The following NF1 variants were observed in gnomAD, a reference collection of about 807,000 sequenced individuals.
NF1 encodes the protein neurofibromin.
In NF1, 122 loss-of-function variants were observed where a neutral mutation model predicts 325.7. The observed-to-expected ratio is 0.37, with a 90% CI of 0.32 to 0.44. The LOEUF is 0.44. NF1 is among the 20% of genes least tolerant of loss of function. The probability of loss-of-function intolerance (pLI) is 1.00; values close to 1 mark genes in which losing one functional copy is unlikely to be tolerated. For missense variants in NF1, 2,140 were observed against 3,415.4 expected (o/e 0.63, Z 9.31); for synonymous variants, 1,091 against 1,186.0 (o/e 0.92, Z 1.65).
chr17:31,327,854 A>G lies in NF1; in HGVS notation c.5609+15A>G, dbSNP rs2151542032. 6.2e-7 allele frequency: 1 copy of G among 1,609,748 alleles called. No homozygotes were observed. Among genetic ancestry groups the G allele is most frequent in the Non-Finnish European group, 8.5e-7 (1 of 1,176,676 alleles). On this transcript the variant is annotated intron_variant, in intron 38 of 57. Coordinates refer to ENST00000358273, the MANE Select transcript of NF1 (RefSeq NM_001042492.3). ...CCGAGTTTACGGTAGGTTTTTTAAA[A>G]TTCTCTTCAGTTTGATTTGGGGTTT...
chr17:31,340,768 A>G (rs572229050), intron 47 of NF1, 123 bp downstream of exon 47: 7 of 1,016,198 alleles, frequency 6.9e-6, no homozygotes, highest in Non-Finnish European at 1.0e-5. Flanking sequence ...TGTATAATGT[A>G]ACTTATTGTG....
chr17:31,212,389 T>C (rs1363524304), intron 12 of NF1, among the ~76,000 whole-genome samples: 2 of 152,210 alleles, frequency 1.3e-5, no homozygotes. Flanking sequence ...CTTTTTATCT[T>C]TAAGTAGGAG....
chr17:31,170,974 AAC>A (rs1299968661), intron 5 of NF1, among the ~76,000 whole-genome samples: 1 of 152,198 alleles, frequency 6.6e-6, no homozygotes, highest in East Asian at 1.9e-4. Flanking sequence ...TCTGACCTAA[AAC>A]AGATTGAATT....
At chr17:31,223,706 T>C in intron 16 of NF1, 139 bp downstream of exon 16, 1 of 794,352 alleles carries the variant, frequency 1.3e-6, no homozygotes, top group South Asian at 1.6e-5. Flanking sequence ...GAAATATGTA[T>C]GCAGAGGACA....
chr17:31,349,345 C>T (rs997989417), intron 49 of NF1, 94 bp downstream of exon 49: 33 of 1,280,660 alleles, frequency 2.6e-5, no homozygotes, highest in Admixed American at 8.0e-5. Flanking sequence ...TTGGCGGTTG[C>T]GTGGCAGAGC....
intron 35 of NF1, among the ~76,000 whole-genome samples, chr17:31,262,324 G>C (rs2067700223): frequency 6.6e-6 from 1 of 152,130 alleles, no homozygotes; most frequent in Non-Finnish European, 1.5e-5. Flanking sequence ...AGAAAATATA[G>C]TATACTTCAG....
intron 36 of NF1, among the ~76,000 whole-genome samples, chr17:31,281,102 C>T (rs1393683184): frequency 5.3e-5 from 8 of 152,206 alleles, no homozygotes; most frequent in Admixed American, 5.2e-4. Context: ...CAAGTCTCTT[C>T]ATAATCTGTT....
intron 10 of NF1, 45 bp downstream of exon 10, chr17:31,201,204 A>T (rs2143881599): frequency 1.9e-6 from 3 of 1,611,100 alleles, no homozygotes; most frequent in Non-Finnish European, 2.5e-6. Flanking sequence ...TGATGCTGTT[A>T]TCCTTTATAA....
chr17:31,122,445 T>C (rs2143396420), intron 1 of NF1, among the ~76,000 whole-genome samples: 1 of 152,346 alleles, frequency 6.6e-6, no homozygotes, highest in South Asian at 2.1e-4. Flanking sequence ...TGTTTTGAAG[T>C]TATTTCCTGC....
chr17:31,095,229 C>A lies in NF1; in HGVS notation c.-81C>A, dbSNP rs1208380897. On this transcript the variant is annotated 5_prime_UTR_variant, in exon 1 of 58. Coordinates refer to ENST00000358273, the MANE Select transcript of NF1 (RefSeq NM_001042492.3). The stretch of plus-strand genomic sequence containing the variant: ...CCTCTCCTTGCCTCTTCCCTCACCT[C>A]AGCCTCCGCTCCCCGCCCTCTTCCC... The A allele has an allele frequency of 2.2e-6, 3 of 1,364,728 alleles. No homozygotes were observed. The East Asian group carries it at 7.5e-5, about 34-fold the overall frequency. The allele number at this position is 1,364,728 out of a possible 1,614,324, so 84.5% of individuals were successfully genotyped here.
At chr17:31,136,968 G>A (rs961993627) in intron 1 of NF1, 4 of 152,134 alleles carry the variant, frequency 2.6e-5, no homozygotes, top group Non-Finnish European at 4.4e-5. Context: ...AGTTTTGCTG[G>A]ATATATAGAA....
In NF1 at chr17:31,348,042, T is replaced by C. The variant is rs1380838977; in HGVS notation, c.7190-1078T>C. On this transcript the variant is annotated intron_variant, in intron 48 of 57. Transcript: ENST00000358273. ...AGCACTTTAGAATTTAGAGTTGCAA[T>C]TGAATGCCAGCTGTGGAGATGGGGT... is the stretch of plus-strand genomic sequence containing the variant. Among the ~76,000 whole-genome samples the C allele has an allele frequency of 6.2e-5, 7 of 112,682 alleles. No individual in the cohort carries two copies. The East Asian group carries it at 1.2e-3, about 20-fold the overall frequency. The allele number at this position is 112,682 out of a possible 152,430, so 73.9% of individuals were successfully genotyped here.
At chr17:31,168,969 A>C (rs1383529987) in intron 4 of NF1, among the ~76,000 whole-genome samples, 1 of 152,182 alleles carries the variant, frequency 6.6e-6, no homozygotes, top group African/African-American at 2.4e-5. Context: ...CAGTCCATGT[A>C]GGGAATGCAG....
intron 4 of NF1, among the ~76,000 whole-genome samples, chr17:31,165,342 T>C (rs1171125444): frequency 2.0e-5 from 3 of 152,176 alleles, no homozygotes; most frequent in Non-Finnish European, 4.4e-5. Context: ...TGAAATAACA[T>C]TGTTTCAGAC....
At chr17:31,242,766 C>T (rs1056874576) in intron 29 of NF1, among the ~76,000 whole-genome samples, 10 of 152,194 alleles carry the variant, frequency 6.6e-5, no homozygotes, top group African/African-American at 2.2e-4. Context: ...GGTCACATAT[C>T]GCTGTCTCTC....
In NF1 at chr17:31,181,780, T is replaced by C. The variant is rs1555608765; in HGVS notation, c.725T>C (p.Met242Thr). Residue 242 changes from methionine to threonine, a missense_variant, in exon 7 of 58, where the codon ATG (methionine) becomes ACG (threonine). By Grantham distance (81) the Met-to-Thr change is moderately conservative. Coordinates refer to ENST00000358273, the MANE Select transcript of NF1 (RefSeq NM_001042492.3). ...CTGTACCAGATCCCACAGACTGATA[T>C]GGCTGGTAAGGATACGATTGATTTT... is the stretch of plus-strand genomic sequence containing the variant. ...TKLYQIPQTD[M>T]AECAEKLFDL... 6.3e-7 allele frequency: 1 copy of C among 1,598,634 alleles called. No homozygotes were observed. Among genetic ancestry groups the C allele is most frequent in the Non-Finnish European group, 8.6e-7 (1 of 1,166,694 alleles).
rs2151585058 is a variant in NF1 at position 31,358,576 on chromosome 17, G to T, written c.8067G>T (p.Val2689=). The change falls in exon 55 of 58, where the codon GTG becomes GTT. Residue 2689 remains valine (V), a synonymous_variant. Coordinates refer to ENST00000358273, the MANE Select transcript of NF1 (RefSeq NM_001042492.3). The stretch of plus-strand genomic sequence containing the variant: ...TCCATGGAATTGTGCAGAGTGTGGT[G>T]TACCATGAAGAATCCCCACCACAAT... ...NPIHGIVQSV[V]YHEESPPQYQ... is the part of the protein sequence containing the mutation. 6.2e-7 allele frequency: 1 copy of T among 1,613,912 alleles called. No homozygotes were observed. Among genetic ancestry groups the T allele is most frequent in the Non-Finnish European group, 8.5e-7 (1 of 1,179,898 alleles).
rs2143774676 is a variant in NF1, at chr17:31,181,483, G to A, written c.648G>A (p.Leu216=). 2 of 1,613,344 alleles carry A rather than the reference G, an allele frequency of 1.2e-6. No individual in the cohort carries two copies. Among genetic ancestry groups the A allele is most frequent in the Non-Finnish European group, 1.7e-6 (2 of 1,179,518 alleles). The change falls in exon 6 of 58, where the codon CTG becomes CTA. Residue 216 remains leucine (L), a synonymous_variant. Coordinates refer to ENST00000358273, the MANE Select transcript of NF1 (RefSeq NM_001042492.3). The part of the protein sequence containing the change: ...KVAQLAVINS[L]EKAFWNWVEN... Reference sequence around the variant, plus strand: ...CGCAGTTAGCAGTTATAAATAGCCTGGAAAAGGTAAGTTACAACCTCTCTG... The same window carrying A: ...CGCAGTTAGCAGTTATAAATAGCCTAGAAAAGGTAAGTTACAACCTCTCTG...
At chr17:31,108,058 A>G (rs1373884150) in intron 1 of NF1, among the ~76,000 whole-genome samples, 2 of 151,664 alleles carry the variant, frequency 1.3e-5, no homozygotes, top group Admixed American at 6.6e-5. Flanking sequence ...GCTTGAGCCC[A>G]GGAGGTTGAG....
Sources: gnomAD v4.1 joint callset for allele counts (sites outside exome capture counted in the v4.1 genomes callset) on GRCh38, gnomAD v4.1.1 for gene constraint, MANE v1.5 for transcripts, NCBI Gene and HGNC (gene_info 2026-07-23, HGNC 2026-07-21) for gene names.